MINDY2: variants seen among roughly 807,000 people sequenced by gnomAD.
MINDY2 encodes MINDY lysine 48 deubiquitinase 2.
A neutral mutation model predicts 68.2 loss-of-function variants in MINDY2; 52 were observed. That is an observed-to-expected ratio of 0.76 (90% CI 0.61 to 0.96). The LOEUF (loss-of-function observed/expected upper bound fraction) is 0.96, where lower values mean the gene tolerates loss of function less well. Ranked by LOEUF, MINDY2 falls within the 40% of genes least tolerant of loss-of-function variation. The pLI is 0.00. For synonymous variants in MINDY2, 372 were observed against 303.0 expected, an observed-to-expected ratio of 1.23 and a Z score of -2.36; for missense variants, 881 against 773.4, an observed-to-expected ratio of 1.14 and a Z score of -1.65.
chr15:58,854,325 C>T (rs2032975267), intron 8 of MINDY2, among the ~76,000 whole-genome samples, 157 bp from the exon 9 acceptor site: 2 of 152,046 alleles, frequency 1.3e-5, no homozygotes, highest in African/African-American at 4.8e-5. Context: ...GCGGTAATGG[C>T]TCAGATACCA....
chr15:58,844,559 C>CAA (rs34592774), intron 6 of MINDY2, among the ~76,000 whole-genome samples: 64 of 66,850 alleles, frequency 9.6e-4, no homozygotes, highest in African/African-American at 2.4e-3. Flanking sequence ...GACTCCGTCT[C>CAA]AAAAAAAAAA....
At chr15:58,822,490 A>G (rs1407579608) in intron 5 of MINDY2, among the ~76,000 whole-genome samples, 2 of 152,160 alleles carry the variant, frequency 1.3e-5, no homozygotes, top group Non-Finnish European at 2.9e-5. Context: ...GAATACTTCA[A>G]CTGACTGAGA....
intron 5 of MINDY2, 72 bp from the exon 6 acceptor site, chr15:58,831,702 T>G: frequency 2.8e-6 from 4 of 1,420,096 alleles, no homozygotes; most frequent in Non-Finnish European, 2.9e-6. Flanking sequence ...GGAACACACT[T>G]TAAATAGAAA....
intron 2 of MINDY2, among the ~76,000 whole-genome samples, chr15:58,790,955 A>G (rs1430532967): frequency 6.6e-6 from 1 of 151,792 alleles, no homozygotes; most frequent in Non-Finnish European, 1.5e-5. Context: ...CGAGGCAGGC[A>G]GATCATGAGG....
intron 6 of MINDY2, among the ~76,000 whole-genome samples, chr15:58,833,209 G>A (rs142952633): frequency 0.016 from 2,512 of 152,300 alleles, 35 homozygotes; most frequent in Non-Finnish European, 0.027. Context: ...CACTTCATGC[G>A]TGGGGATAAA....
chr15:58,831,759 G>C lies in MINDY2; in HGVS notation c.1226-15G>C, dbSNP rs1267806268. 4.4e-6 allele frequency: 7 copies of C among 1,599,218 alleles called. No individual in the cohort carries two copies. The highest frequency in any genetic ancestry group is 3.5e-5 in the Admixed American group (2 of 56,380). On this transcript the variant is annotated splice_polypyrimidine_tract_variant and intron_variant, in intron 5 of 8. Transcript: ENST00000559228. Reference sequence around the variant, plus strand: ...AAATTATTCTTCTATCTAATGTTATGCATTGGTTCTATAGGCTTTGTAGCT... The same window carrying C: ...AAATTATTCTTCTATCTAATGTTATCCATTGGTTCTATAGGCTTTGTAGCT...
intron 6 of MINDY2, among the ~76,000 whole-genome samples, chr15:58,834,676 C>A (rs1480686532): frequency 6.6e-6 from 1 of 152,156 alleles, no homozygotes; most frequent in African/African-American, 2.4e-5. Flanking sequence ...TACCTAATTA[C>A]CAGTTTTCTT....
chr15:58,852,729 A>G (rs2032884065), intron 8 of MINDY2, among the ~76,000 whole-genome samples: 1 of 152,110 alleles, frequency 6.6e-6, no homozygotes, highest in Non-Finnish European at 1.5e-5. Flanking sequence ...AAATAATATT[A>G]GCACTTACCC....
Position 58,810,212 on chromosome 15 carries a change from C to T in MINDY2, c.964-18C>T, listed in dbSNP as rs775286624. 5.1e-6 allele frequency: 8 copies of T among 1,579,010 alleles called. No individual in the cohort carries two copies. Among genetic ancestry groups the T allele is most frequent in the Non-Finnish European group, 6.9e-6 (8 of 1,163,390 alleles). ...TTTGATGTTTCTGAATTAGAACTTT[C>T]CCCTTTTCTATTTTCAGAATATGAG... On this transcript the variant is annotated intron_variant, in intron 3 of 8. Coordinates refer to ENST00000559228, the MANE Select transcript of MINDY2 (RefSeq NM_001040450.3).
At position 58,855,778 on chromosome 15, in the gene MINDY2, C is replaced by G. The variant is rs570431730; in HGVS notation, c.*1168C>G. On this transcript the variant is annotated 3_prime_UTR_variant, in exon 9 of 9. Transcript: ENST00000559228. ...TCTACTAAAAATACAAAAAATCAGC[C>G]TGGCATGGTGGTGCGTGCCTGTAGT... 46 of 152,298 alleles carry G rather than the reference C, an allele frequency of 3.0e-4. No individual in the cohort carries two copies. The highest frequency in any genetic ancestry group is 1.0e-3 in the African/African-American group (43 of 41,544). 9.4% of individuals were successfully genotyped at this position (152,298 alleles called of 1,614,324 possible). A position where few individuals can be genotyped will look rare whatever the true frequency, so the allele number is the denominator to read the frequency against.
intron 1 of MINDY2, among the ~76,000 whole-genome samples, chr15:58,775,088 A>G (rs1401125292): frequency 6.6e-6 from 1 of 152,204 alleles, no homozygotes; most frequent in Non-Finnish European, 1.5e-5. Flanking sequence ...TGATAATACT[A>G]AGATGTTATT....
chr15:58,853,379 A>G (rs1053792422), intron 8 of MINDY2, among the ~76,000 whole-genome samples: 9 of 152,090 alleles, frequency 5.9e-5, no homozygotes, highest in Admixed American at 6.6e-5. Flanking sequence ...TAAAATTTCT[A>G]TTTCTAGCTC....
At chr15:58,817,023 A>T (rs1012224751) in intron 4 of MINDY2, among the ~76,000 whole-genome samples, 41 of 152,330 alleles carry the variant, frequency 2.7e-4, no homozygotes, top group African/African-American at 9.4e-4. Context: ...CAAAAGTTTG[A>T]AACTATGTTC....
chr15:58,791,525 G>A (rs1901917188), intron 2 of MINDY2, among the ~76,000 whole-genome samples: 1 of 151,318 alleles, frequency 6.6e-6, no homozygotes, highest in Non-Finnish European at 1.5e-5. Context: ...GCTCAGGTGG[G>A]AGGATTGCTT....
intron 6 of MINDY2, among the ~76,000 whole-genome samples, chr15:58,843,172 C>T (rs1368390897): frequency 6.6e-6 from 1 of 152,092 alleles, no homozygotes; most frequent in Non-Finnish European, 1.5e-5. Flanking sequence ...TGTTTTGAGA[C>T]AGAGTCTCGC....
chr15:58,831,747 A>G lies in MINDY2; in HGVS notation c.1226-27A>G, dbSNP rs1490415291. 10 of 1,581,528 alleles carry G rather than the reference A, an allele frequency of 6.3e-6. No individual in the cohort carries two copies. The African/African-American group carries it at 1.2e-4, about 19-fold the overall frequency. On this transcript the variant is annotated intron_variant, in intron 5 of 8. Coordinates refer to ENST00000559228, the MANE Select transcript of MINDY2 (RefSeq NM_001040450.3). ...TTTTTGATTTTGAAATTATTCTTCT[A>G]TCTAATGTTATGCATTGGTTCTATA...
chr15:58,786,422 G>C (rs777828067), intron 1 of MINDY2, among the ~76,000 whole-genome samples: 1 of 152,038 alleles, frequency 6.6e-6, no homozygotes, highest in Admixed American at 6.6e-5. Context: ...GAATGTGCTC[G>C]TCACTGTCAG....
intron 5 of MINDY2, among the ~76,000 whole-genome samples, chr15:58,827,901 A>G (rs1446650256): frequency 6.6e-6 from 1 of 152,134 alleles, no homozygotes; most frequent in Non-Finnish European, 1.5e-5. Flanking sequence ...TTGGCACAGT[A>G]AAATGTTCTG....
intron 3 of MINDY2, 142 bp from the exon 4 acceptor site, chr15:58,810,088 A>C (rs1161291840): frequency 5.5e-6 from 4 of 728,954 alleles, no homozygotes; most frequent in Admixed American, 6.0e-5. Context: ...GACACATAGT[A>C]GATACTCAAT....
Sources: gnomAD v4.1 joint callset for allele counts (sites outside exome capture counted in the v4.1 genomes callset) on GRCh38, gnomAD v4.1.1 for gene constraint, MANE v1.5 for transcripts, NCBI Gene and HGNC (gene_info 2026-07-23, HGNC 2026-07-21) for gene names.